TMEM132C: variants seen among roughly 807,000 people sequenced by gnomAD.
TMEM132C encodes protein phosphatase 1, regulatory subunit 152.
TMEM132C carries 29 observed loss-of-function variants against 61.4 expected under a neutral mutation model. That is an observed-to-expected ratio of 0.47 (90% CI 0.35 to 0.64). The LOEUF (loss-of-function observed/expected upper bound fraction) is 0.64, where lower values mean the gene tolerates loss of function less well. Among genes scored for constraint, TMEM132C ranks in the 30% least tolerant of loss-of-function variants. The pLI, the probability that TMEM132C is intolerant of heterozygous loss-of-function variation, is 0.00. For synonymous variants in TMEM132C, 656 were observed against 633.1 expected (o/e 1.04, Z -0.54); for missense variants, 1,408 against 1,476.9 (o/e 0.95, Z 0.76).
chr12:128,322,520 C>T (rs1335624274), intron 1 of TMEM132C, among the ~76,000 whole-genome samples: 1 of 152,220 alleles, frequency 6.6e-6, no homozygotes, highest in Non-Finnish European at 1.5e-5. Context: ...AGAGGAAATT[C>T]CCTGTTAGGA....
chr12:128,619,911 G>T (rs1186489545), intron 4 of TMEM132C, among the ~76,000 whole-genome samples: 2 of 152,172 alleles, frequency 1.3e-5, no homozygotes, highest in African/African-American at 4.8e-5. Context: ...TATGCGAGTG[G>T]CTGGGGTGCT....
chr12:128,642,823 G>A (rs1954167775), intron 4 of TMEM132C, among the ~76,000 whole-genome samples: 1 of 152,194 alleles, frequency 6.6e-6, no homozygotes, highest in Non-Finnish European at 1.5e-5. Context: ...TAAGTAATTT[G>A]CCAAGGACAC....
chr12:128,347,547 G>T (rs550631065), intron 1 of TMEM132C, among the ~76,000 whole-genome samples: 1 of 152,162 alleles, frequency 6.6e-6, no homozygotes, highest in East Asian at 1.9e-4. Context: ...TCCTGCCTCA[G>T]CCTCCCAAGT....
Position 128,326,771 on chromosome 12 carries a change from C to G in TMEM132C, c.85+59284C>G, listed in dbSNP as rs541496539. ...ATTCATCAGATGTCTTTATGGCTCC[C>G]ACATCTCGTTACCGACTTCACAATA... On this transcript the variant is annotated intron_variant, in intron 1 of 8. Coordinates refer to ENST00000435159, the MANE Select transcript of TMEM132C (RefSeq NM_001136103.3). The surrounding 1 kb of genome is among the most constrained non-coding windows in gnomAD (Gnocchi z 5.6). Among the ~76,000 whole-genome samples the G allele has an allele frequency of 2.2e-5, 3 of 139,302 alleles. No homozygotes were observed. Among genetic ancestry groups the G allele is most frequent in the African/African-American group, 1.0e-4 (3 of 29,310 alleles). The allele number at this position is 139,302 out of a possible 152,430, so 91.4% of individuals were successfully genotyped here.
At chr12:128,574,183 C>T (rs913976820) in intron 3 of TMEM132C, among the ~76,000 whole-genome samples, 20 of 152,190 alleles carry the variant, frequency 1.3e-4, no homozygotes, top group African/African-American at 4.6e-4. Flanking sequence ...CTTCTATTTC[C>T]CTGCTCCATT....
intron 1 of TMEM132C, among the ~76,000 whole-genome samples, chr12:128,364,092 A>G (rs1175718116): frequency 6.6e-6 from 1 of 152,116 alleles, no homozygotes; most frequent in South Asian, 2.1e-4. Context: ...GGAATGAAGT[A>G]ACTAAATCTT....
rs1056704486 is a variant in TMEM132C, at chr12:128,268,161, A to G, written c.85+674A>G. Among the ~76,000 whole-genome samples, 19 of 152,272 alleles carry G rather than the reference A, an allele frequency of 1.2e-4. 1 individual carries two copies. Among genetic ancestry groups the G allele is most frequent in the Admixed American group, 1.0e-3 (16 of 15,302 alleles). On this transcript the variant is annotated intron_variant, in intron 1 of 8. Coordinates refer to ENST00000435159, the MANE Select transcript of TMEM132C (RefSeq NM_001136103.3). ...GGTGGGTGCGTCCCTCGCGACGGGA[A>G]CTACCTCACCAGCGGTCCTGTCCGG...
At chr12:128,554,116 C>T (rs920292712) in intron 3 of TMEM132C, among the ~76,000 whole-genome samples, 1 of 152,256 alleles carries the variant, frequency 6.6e-6, no homozygotes, top group African/African-American at 2.4e-5. Context: ...GATACTTCAT[C>T]AGTCCCCTAG....
At chr12:128,271,262 AATAAT>A (rs1449292866) in intron 1 of TMEM132C, among the ~76,000 whole-genome samples, 2 of 96,708 alleles carry the variant, frequency 2.1e-5, no homozygotes, top group Non-Finnish European at 4.0e-5. Flanking sequence ...TCAAAATAAT[AATAAT>A]ATAATAATAA....
intron 2 of TMEM132C, among the ~76,000 whole-genome samples, chr12:128,521,738 A>G (rs888664245): frequency 2.6e-5 from 4 of 152,182 alleles, no homozygotes; most frequent in African/African-American, 7.2e-5. Context: ...CTGAGAAGGC[A>G]GAAGTTACAA....
chr12:128,406,003 G>A (rs550254391), intron 1 of TMEM132C, among the ~76,000 whole-genome samples: 1 of 152,166 alleles, frequency 6.6e-6, no homozygotes, highest in Admixed American at 6.5e-5. Context: ...TTTACTTCTG[G>A]GTGACCATAT....
intron 2 of TMEM132C, among the ~76,000 whole-genome samples, chr12:128,421,951 T>A (rs905576949): frequency 4.6e-5 from 7 of 152,198 alleles, no homozygotes; most frequent in African/African-American, 1.7e-4. Flanking sequence ...CACTAAACAT[T>A]TATTGAATAA....
intron 2 of TMEM132C, among the ~76,000 whole-genome samples, chr12:128,513,876 A>G (rs1320646658): frequency 6.6e-6 from 1 of 152,176 alleles, no homozygotes; most frequent in African/African-American, 2.4e-5. Context: ...GCTGACCAAA[A>G]AGTGATCAAG....
At chr12:128,594,063 CAA>C (rs1022683946) in intron 3 of TMEM132C, among the ~76,000 whole-genome samples, 8 of 128,664 alleles carry the variant, frequency 6.2e-5, no homozygotes, top group Non-Finnish European at 1.1e-4. Flanking sequence ...ACTGAGGAAA[CAA>C]GAGGGAACAA....
At chr12:128,684,697 C>T (rs1287378585) in intron 5 of TMEM132C, among the ~76,000 whole-genome samples, 3 of 152,346 alleles carry the variant, frequency 2.0e-5, no homozygotes, top group East Asian at 1.9e-4. Flanking sequence ...CTTTGGCCAT[C>T]GTTTCACCGG....
intron 2 of TMEM132C, among the ~76,000 whole-genome samples, chr12:128,519,833 T>C (rs935502963): frequency 2.6e-5 from 4 of 152,208 alleles, no homozygotes; most frequent in Non-Finnish European, 4.4e-5. Flanking sequence ...GCCAAGCCTC[T>C]ACTGTAAGGT....
At chr12:128,395,746 C>T (rs186449409) in intron 1 of TMEM132C, among the ~76,000 whole-genome samples, 1 of 152,318 alleles carries the variant, frequency 6.6e-6, no homozygotes, top group Non-Finnish European at 1.5e-5. Flanking sequence ...ACGGGCATCA[C>T]TTTCACACCG....
intron 3 of TMEM132C, among the ~76,000 whole-genome samples, chr12:128,579,502 C>G (rs1204961510): frequency 6.6e-6 from 1 of 152,144 alleles, no homozygotes; most frequent in South Asian, 2.1e-4. Flanking sequence ...TTCTCAAATA[C>G]ATTTGGAAGA....
intron 1 of TMEM132C, among the ~76,000 whole-genome samples, chr12:128,337,804 C>T (rs1872829141): frequency 6.6e-6 from 1 of 152,152 alleles, no homozygotes; most frequent in African/African-American, 2.4e-5. Flanking sequence ...CCTTTTTATC[C>T]TCATGTTTGG....
Sources: gnomAD v4.1 joint callset for allele counts (sites outside exome capture counted in the v4.1 genomes callset) on GRCh38, gnomAD v4.1.1 for gene constraint, Gnocchi (gnomAD v3.1) non-coding constraint, MANE v1.5 for transcripts, NCBI Gene and HGNC (gene_info 2026-07-23, HGNC 2026-07-21) for gene names.